The following PCDH15 variants were observed in gnomAD, a reference collection of about 807,000 sequenced individuals.
PCDH15 encodes protocadherin-15.
In PCDH15, 129 loss-of-function variants were observed where a neutral mutation model predicts 178.5. That is an observed-to-expected ratio of 0.72 (90% CI 0.63 to 0.84). PCDH15 has a LOEUF of 0.84. PCDH15 is among the 40% of genes least tolerant of loss of function. PCDH15 has a pLI of 0.00. For missense variants in PCDH15, 2,230 were observed against 2,099.9 expected (o/e 1.06, Z -1.21); for synonymous variants, 800 against 732.0 (o/e 1.09, Z -1.50).
intron 2 of PCDH15, among the ~76,000 whole-genome samples, chr10:55,036,349 CTTA>C (rs1025806853): frequency 4.6e-5 from 7 of 152,138 alleles, no homozygotes; most frequent in African/African-American, 1.7e-4. Context: ...AACTATTACA[CTTA>C]TTATGCACAA....
chr10:54,925,049 G>A (rs1837582993), intron 2 of PCDH15, among the ~76,000 whole-genome samples: 2 of 152,220 alleles, frequency 1.3e-5, no homozygotes, highest in South Asian at 4.1e-4. Flanking sequence ...TATTGCCAAG[G>A]TTGTCTTCTA....
intron 2 of PCDH15, among the ~76,000 whole-genome samples, chr10:55,463,883 A>G (rs201639142): frequency 1.9e-5 from 1 of 53,514 alleles, no homozygotes; most frequent in African/African-American, 1.2e-4. Flanking sequence ...GAGAGAGAGA[A>G]AGAGAGGGAG....
chr10:54,857,273 A>G (rs563145137), intron 3 of PCDH15, among the ~76,000 whole-genome samples: 1 of 152,356 alleles, frequency 6.6e-6, no homozygotes, highest in East Asian at 1.9e-4. Flanking sequence ...ACTCATAAAT[A>G]TAAACTAATT....
chr10:53,993,034 A>T (rs2091629492), intron 21 of PCDH15, among the ~76,000 whole-genome samples: 1 of 152,224 alleles, frequency 6.6e-6, no homozygotes. Flanking sequence ...TTCTCACTTC[A>T]TTCAAAAGAA....
At chr10:55,527,992 T>C (rs995961135) in intron 2 of PCDH15, among the ~76,000 whole-genome samples, 6 of 152,090 alleles carry the variant, frequency 3.9e-5, no homozygotes, top group African/African-American at 1.4e-4. Flanking sequence ...TACACTGATA[T>C]TGGTCTCAAC....
intron 28 of PCDH15, among the ~76,000 whole-genome samples, chr10:53,854,942 T>C (rs2078624474): frequency 6.6e-6 from 1 of 152,088 alleles, no homozygotes; most frequent in African/African-American, 2.4e-5. Context: ...GAAAGTTACC[T>C]GATTTTTCCT....
At chr10:55,471,329 T>G (rs1292983222) in intron 2 of PCDH15, among the ~76,000 whole-genome samples, 1 of 152,196 alleles carries the variant, frequency 6.6e-6, no homozygotes, top group East Asian at 1.9e-4. Flanking sequence ...TAGAAAGATT[T>G]TTATTAAGAA....
At chr10:54,001,315 A>G (rs1271300585) in intron 20 of PCDH15, among the ~76,000 whole-genome samples, 2 of 152,178 alleles carry the variant, frequency 1.3e-5, no homozygotes, top group African/African-American at 2.4e-5. Context: ...GTGGTGGTGT[A>G]TAAAATATTC....
At chr10:55,620,701 G>GTAC (rs1843574077) in intron 2 of PCDH15, among the ~76,000 whole-genome samples, 1 of 151,526 alleles carries the variant, frequency 6.6e-6, no homozygotes, top group Non-Finnish European at 1.5e-5. Context: ...AAAATATGAA[G>GTAC]TACTAGGTTT....
At chr10:54,243,968 A>G (rs969274174) in intron 8 of PCDH15, among the ~76,000 whole-genome samples, 2 of 152,180 alleles carry the variant, frequency 1.3e-5, no homozygotes, top group Non-Finnish European at 2.9e-5. Flanking sequence ...AGTTCCTCAA[A>G]TGGTTTTGAC....
At chr10:54,434,316 T>G (rs2075238162) in intron 3 of PCDH15, among the ~76,000 whole-genome samples, 1 of 152,204 alleles carries the variant, frequency 6.6e-6, no homozygotes, top group African/African-American at 2.4e-5. Flanking sequence ...TACAGTAATG[T>G]CCTAGGCCTT....
intron 8 of PCDH15, among the ~76,000 whole-genome samples, chr10:54,292,420 G>C (rs2059476548): frequency 6.6e-6 from 1 of 152,170 alleles, no homozygotes; most frequent in Non-Finnish European, 1.5e-5. Flanking sequence ...ACAAGACAGG[G>C]ATGTCCTCTC....
intron 1 of PCDH15, among the ~76,000 whole-genome samples, chr10:54,694,996 G>A (rs1386052731): frequency 2.0e-5 from 3 of 151,544 alleles, no homozygotes; most frequent in Admixed American, 2.0e-4. Flanking sequence ...AACTCAAAAA[G>A]TGCTACTTCA....
chr10:55,280,359 A>G (rs966317397), intron 1 of PCDH15, among the ~76,000 whole-genome samples: 5 of 141,400 alleles, frequency 3.5e-5, no homozygotes, highest in African/African-American at 1.4e-4. Context: ...GCTCACTGCA[A>G]CCTCCGCCTC....
rs757804718 is a variant in PCDH15, at chr10:54,079,360, T to G, written c.2062A>C (p.Ile688Leu). The stretch of plus-strand genomic sequence containing the variant: ...TCTGGCCTGCCATCTGAAGCTGTGA[T>G]GATCAGAATGTAGCGATCAGTGCTT... ...RESTDRYILI[I>L]TASDGRPDGT... The change falls in exon 17 of 38, where the codon ATC becomes CTC. Residue 688 changes from isoleucine to leucine, a missense_variant. Physicochemically the swap from Ile to Leu is conservative, Grantham distance 5. Coordinates refer to ENST00000644397, the MANE Select transcript of PCDH15 (RefSeq NM_001384140.1). 1 of 1,614,154 alleles carries G rather than the reference T, an allele frequency of 6.2e-7. No homozygotes were observed. The highest frequency in any genetic ancestry group is 1.1e-5 in the South Asian group (1 of 91,088).
chr10:54,535,709 CAAAAAAA>C (rs71010382), intron 2 of PCDH15, among the ~76,000 whole-genome samples: 5 of 42,618 alleles, frequency 1.2e-4, no homozygotes, highest in Non-Finnish European at 2.0e-4. Flanking sequence ...GACTCCACCT[CAAAAAAA>C]AAAAAAAAAA....
At chr10:54,898,938 A>G (rs1020790948) in intron 2 of PCDH15, among the ~76,000 whole-genome samples, 1 of 152,222 alleles carries the variant, frequency 6.6e-6, no homozygotes, top group African/African-American at 2.4e-5. Context: ...ACAAAGGTAC[A>G]AAATCATAGA....
At chr10:53,888,573 T>C (rs2081317870) in intron 26 of PCDH15, among the ~76,000 whole-genome samples, 2 of 93,462 alleles carry the variant, frequency 2.1e-5, no homozygotes, top group East Asian at 4.2e-4. Flanking sequence ...TTTGATTTTG[T>C]CTGTTTTTTT....
chr10:54,850,516 A>G (rs1401486496), intron 3 of PCDH15, among the ~76,000 whole-genome samples: 1 of 152,040 alleles, frequency 6.6e-6, no homozygotes, highest in African/African-American at 2.4e-5. Flanking sequence ...CTTAGCTCCT[A>G]CTTGTGAGTG....
Sources: gnomAD v4.1 joint callset for allele counts (sites outside exome capture counted in the v4.1 genomes callset) on GRCh38, gnomAD v4.1.1 for gene constraint, MANE v1.5 for transcripts, NCBI Gene and HGNC (gene_info 2026-07-23, HGNC 2026-07-21) for gene names.